GALM: variants seen among roughly 807,000 people sequenced by gnomAD.
GALM encodes aldose 1-epimerase.
GALM carries 43 observed loss-of-function variants against 37.4 expected under a neutral mutation model. That is an observed-to-expected ratio of 1.15 (90% CI 0.90 to 1.48). GALM has a LOEUF of 1.48. GALM is among the 40% of genes most tolerant of loss of function. The probability of loss-of-function intolerance (pLI) is 0.00; values close to 1 mark genes in which losing one functional copy is unlikely to be tolerated. For missense variants in GALM, 456 were observed against 419.1 expected (o/e 1.09, Z -0.77); for synonymous variants, 199 against 170.6 (o/e 1.17, Z -1.30).
At chr2:38,671,599 C>T (rs1665106820) in intron 1 of GALM, among the ~76,000 whole-genome samples, 1 of 152,268 alleles carries the variant, frequency 6.6e-6, no homozygotes, top group Admixed American at 6.5e-5. Context: ...GGTGGGAGCA[C>T]AAAGCCAAAG....
In GALM at chr2:38,681,393, T is replaced by C. The variant is rs779103191; in HGVS notation, c.459T>C (p.Asp153=). ...AAGTCTGGGTGACATACACCCTGGA[T>C]GGCGGAGAGCTCATAGTCAACTACA... ...ELKVWVTYTL[D]GGELIVNYRA... The change falls in exon 3 of 7, where the codon GAT becomes GAC. Residue 153 remains aspartate (D), a synonymous_variant. Transcript: ENST00000272252. 4 of 1,614,056 alleles carry C rather than the reference T, an allele frequency of 2.5e-6. No homozygotes were observed. Among genetic ancestry groups the C allele is most frequent in the African/African-American group, 2.7e-5 (2 of 74,934 alleles).
chr2:38,716,346 C>A (rs1666270848), intron 4 of GALM, among the ~76,000 whole-genome samples: 1 of 152,168 alleles, frequency 6.6e-6, no homozygotes, highest in Non-Finnish European at 1.5e-5. Context: ...AAAGTTTTTG[C>A]CACATTGCTA....
rs192626541 is a variant in GALM, at chr2:38,734,449, G to T, written c.*884G>T. On this transcript the variant is annotated 3_prime_UTR_variant, in exon 7 of 7. Transcript: ENST00000272252. ...CTCTCGGGAGAGGGAGGGGACTTCC[G>T]AGAGGAAAAGGCCTGCAAGAGCCTT... The T allele has an allele frequency of 6.7e-6, 1 of 149,624 alleles. No homozygotes were observed. The highest frequency in any genetic ancestry group is 1.5e-5 in the Non-Finnish European group (1 of 67,700). 9.3% of individuals were successfully genotyped at this position (149,624 alleles called of 1,614,324 possible). A position where few individuals can be genotyped will look rare whatever the true frequency, so the allele number is the denominator to read the frequency against.
chr2:38,681,301 C>T lies in GALM; in HGVS notation c.367C>T (p.Leu123=). Residue 123 remains leucine, a synonymous_variant, in exon 3 of 7, where the codon CTG becomes TTG. Coordinates refer to ENST00000272252, the MANE Select transcript of GALM (RefSeq NM_138801.3). Reference sequence around the variant, plus strand: ...CCAGGTGCTCTGGACCCCTCGGGTGCTGTCAAATGGCGTCCAGTTCTCGCG... The same window carrying T: ...CCAGGTGCTCTGGACCCCTCGGGTGTTGTCAAATGGCGTCCAGTTCTCGCG... ...FDKVLWTPRV[L]SNGVQFSRIS... The T allele has an allele frequency of 6.2e-7, 1 of 1,613,508 alleles. No individual in the cohort carries two copies. Among genetic ancestry groups the T allele is most frequent in the South Asian group, 1.1e-5 (1 of 91,038 alleles).
chr2:38,669,532 CAACAGCCTAG>C (rs1352263879), intron 1 of GALM: 2 of 152,216 alleles, frequency 1.3e-5, no homozygotes, highest in African/African-American at 4.8e-5. Context: ...CGTCCTGCTA[CAACAGCCTAG>C]AAAAATCAGT....
At chr2:38,708,258 G>A (rs930030963) in intron 4 of GALM, among the ~76,000 whole-genome samples, 4 of 151,810 alleles carry the variant, frequency 2.6e-5, no homozygotes, top group East Asian at 1.9e-4. Flanking sequence ...CTGTGATCAC[G>A]CCACTGCACT....
intron 1 of GALM, among the ~76,000 whole-genome samples, chr2:38,674,442 C>G (rs916670525): frequency 6.6e-6 from 1 of 152,156 alleles, no homozygotes; most frequent in African/African-American, 2.4e-5. Flanking sequence ...CCCTTCTCAG[C>G]CTGCCAAAGT....
chr2:38,729,286 C>T (rs1399299558), intron 4 of GALM, among the ~76,000 whole-genome samples: 1 of 152,126 alleles, frequency 6.6e-6, no homozygotes, highest in Non-Finnish European at 1.5e-5. Context: ...CTCCTGGGCT[C>T]AAGCAATCCT....
intron 4 of GALM, among the ~76,000 whole-genome samples, chr2:38,715,311 T>G (rs1203305534): frequency 6.6e-6 from 1 of 152,274 alleles, no homozygotes; most frequent in Non-Finnish European, 1.5e-5. Context: ...TTAAAATTCT[T>G]TAAGCAAGTC....
At chr2:38,669,559 T>G (rs1207105706) in intron 1 of GALM, 1 of 152,184 alleles carries the variant, frequency 6.6e-6, no homozygotes, top group Non-Finnish European at 1.5e-5. Flanking sequence ...CAGTAATGCC[T>G]CCTATGAGTT....
At chr2:38,674,334 C>T (rs1665185863) in intron 1 of GALM, among the ~76,000 whole-genome samples, 1 of 151,928 alleles carries the variant, frequency 6.6e-6, no homozygotes, top group Non-Finnish European at 1.5e-5. Context: ...GGACTACAGG[C>T]ACAGGCCACG....
In GALM at chr2:38,666,282, A is replaced by C. The variant is rs774084302; in HGVS notation, c.121A>C (p.Thr41Pro). ...VDIISWGCTI[T>P]ALEVKDRQGR... ...CATCATCTCCTGGGGCTGCACGATC[A>C]CAGCCCTAGAGGTCAAAGACAGGCA... is the stretch of plus-strand genomic sequence containing the variant. Residue 41 changes from threonine (T) to proline (P), a missense_variant, in exon 1 of 7, where the codon ACA becomes CCA. Thr to Pro is a conservative substitution (Grantham distance 38, BLOSUM62 -1). Coordinates refer to ENST00000272252, the MANE Select transcript of GALM (RefSeq NM_138801.3). 1 of 1,613,994 alleles carries C rather than the reference A, an allele frequency of 6.2e-7. No homozygotes were observed. The highest frequency in any genetic ancestry group is 1.7e-5 in the Admixed American group (1 of 60,014).
At chr2:38,697,746 G>A (rs1403757577) in intron 4 of GALM, among the ~76,000 whole-genome samples, 1 of 152,068 alleles carries the variant, frequency 6.6e-6, no homozygotes, top group Non-Finnish European at 1.5e-5. Context: ...TATGGATGGG[G>A]CATTATCACC....
At chr2:38,677,168 T>G (rs927372282) in intron 2 of GALM, among the ~76,000 whole-genome samples, 1 of 152,234 alleles carries the variant, frequency 6.6e-6, no homozygotes. Flanking sequence ...TTAACCCCAG[T>G]GATTGCTCTC....
intron 3 of GALM, among the ~76,000 whole-genome samples, chr2:38,684,502 C>T (rs1220869186): frequency 6.6e-6 from 1 of 151,862 alleles, no homozygotes; most frequent in Non-Finnish European, 1.5e-5. Context: ...GAGAGATCCC[C>T]CATCTCTAAA....
chr2:38,688,239 C>T (rs1473495759), intron 3 of GALM, among the ~76,000 whole-genome samples: 1 of 151,158 alleles, frequency 6.6e-6, no homozygotes, highest in South Asian at 2.1e-4. Context: ...GTACTGGGTG[C>T]GGTGACTCAC....
At chr2:38,686,826 A>G (rs2148433578) in intron 3 of GALM, among the ~76,000 whole-genome samples, 1 of 152,312 alleles carries the variant, frequency 6.6e-6, no homozygotes, top group South Asian at 2.1e-4. Context: ...GACCTGAATT[A>G]ATGCTAGGCC....
At chr2:38,729,070 A>T (rs1666543486) in intron 4 of GALM, among the ~76,000 whole-genome samples, 1 of 152,128 alleles carries the variant, frequency 6.6e-6, no homozygotes, top group African/African-American at 2.4e-5. Flanking sequence ...CCCTACTGAT[A>T]CTTAAATCAT....
intron 1 of GALM, among the ~76,000 whole-genome samples, chr2:38,674,929 C>T (rs1041025559): frequency 2.6e-5 from 4 of 152,104 alleles, no homozygotes; most frequent in African/African-American, 7.2e-5. Context: ...AATCCCAGCA[C>T]TTTGGGAGGC....
Sources: allele counts gnomAD v4.1 joint callset (sites outside exome capture counted in the v4.1 genomes callset), GRCh38; gene constraint gnomAD v4.1.1; transcripts MANE v1.5; gene names NCBI Gene and HGNC (gene_info 2026-07-23, HGNC 2026-07-21).